Variants in METTL15 observed in about 807,000 individuals in gnomAD.
The protein encoded by METTL15 is 12S rRNA N(4)-cytidine methyltransferase METTL15.
A neutral mutation model predicts 38.3 loss-of-function variants in METTL15; 34 were observed. That is an observed-to-expected ratio of 0.89 (90% CI 0.68 to 1.18). The LOEUF is 1.18. Among genes scored for constraint, METTL15 ranks in the 50% most tolerant of loss-of-function variants. The pLI is 0.00. For synonymous variants in METTL15, 162 were observed against 170.9 expected (o/e 0.95, Z 0.41); for missense variants, 438 against 498.4 (o/e 0.88, Z 1.15).
At chr11:28,475,949 C>A (rs1220958791) in intron 6 of METTL15, among the ~76,000 whole-genome samples, 1 of 152,178 alleles carries the variant, frequency 6.6e-6, no homozygotes, top group Non-Finnish European at 1.5e-5. Flanking sequence ...CCTAGGCTGC[C>A]TGCAGTCCTC....
chr11:28,234,956 T>A (rs1395334562), intron 4 of METTL15, among the ~76,000 whole-genome samples: 1 of 151,204 alleles, frequency 6.6e-6, no homozygotes, highest in Non-Finnish European at 1.5e-5. Flanking sequence ...GTTTAAATCT[T>A]TAATCCATCT....
At chr11:28,433,559 C>T (rs752452817) in intron 6 of METTL15, among the ~76,000 whole-genome samples, 12 of 152,058 alleles carry the variant, frequency 7.9e-5, no homozygotes, top group East Asian at 1.9e-4. Flanking sequence ...AATTAATGAA[C>T]GCAAATTTCT....
intron 3 of METTL15, among the ~76,000 whole-genome samples, chr11:28,122,779 A>G (rs1472239649): frequency 2.0e-5 from 3 of 151,920 alleles, no homozygotes. Context: ...GCAAATTATT[A>G]CTAGGACATC....
intron 5 of METTL15, chr11:28,410,704 TCAGATAC>T (rs1350054307): frequency 1.3e-5 from 2 of 152,002 alleles, no homozygotes; most frequent in Non-Finnish European, 2.9e-5. Flanking sequence ...TCCACTAAGA[TCAGATAC>T]AAGACAGGGA....
chr11:28,327,121 CA>C (rs1206704757), intron 6 of METTL15, among the ~76,000 whole-genome samples: 1 of 152,026 alleles, frequency 6.6e-6, no homozygotes, highest in Non-Finnish European at 1.5e-5. Flanking sequence ...AGAGAAGTAC[CA>C]AAAAAGCTCC....
intron 3 of METTL15, among the ~76,000 whole-genome samples, chr11:28,158,247 G>A (rs1177701263): frequency 6.6e-6 from 1 of 152,208 alleles, no homozygotes; most frequent in Non-Finnish European, 1.5e-5. Context: ...TCCCAGCAGA[G>A]GAGGATTTTA....
At chr11:28,474,552 A>G (rs1851329015) in intron 6 of METTL15, among the ~76,000 whole-genome samples, 1 of 152,214 alleles carries the variant, frequency 6.6e-6, no homozygotes, top group South Asian at 2.1e-4. Flanking sequence ...ATTCACAGAC[A>G]GCCTGACAGT....
chr11:28,430,031 C>A (rs924211156), intron 6 of METTL15, among the ~76,000 whole-genome samples: 1 of 137,806 alleles, frequency 7.3e-6, no homozygotes, highest in Admixed American at 7.1e-5. Flanking sequence ...ATGTGAGGAG[C>A]GCCTCTGCCC....
intron 4 of METTL15, among the ~76,000 whole-genome samples, chr11:28,275,744 C>G (rs181037051): frequency 1.1e-3 from 162 of 151,748 alleles, no homozygotes; most frequent in African/African-American, 2.1e-3. Flanking sequence ...CAAAAAGATT[C>G]ACCATGATTA....
chr11:28,307,242 C>G lies in METTL15; in HGVS notation c.778+10311C>G, dbSNP rs1368336727. Among the ~76,000 whole-genome samples the G allele has an allele frequency of 2.0e-5, 3 of 151,868 alleles. No individual in the cohort carries two copies. In the East Asian group the frequency reaches 5.8e-4, roughly 29 times the overall value. On this transcript the variant is annotated intron_variant, in intron 6 of 6. Transcript: ENST00000407364. ...AATATTTGCTGACTTCTTACCTCTC[C>G]TAATACATAATTATTTATTTAATGA...
intron 5 of METTL15, among the ~76,000 whole-genome samples, chr11:28,414,000 C>A (rs907973903): frequency 1.3e-5 from 2 of 152,014 alleles, no homozygotes; most frequent in African/African-American, 4.8e-5. Context: ...ATTATATTAT[C>A]CATCAGTCTA....
intron 6 of METTL15, among the ~76,000 whole-genome samples, chr11:28,506,617 A>G (rs1851629238): frequency 6.6e-6 from 1 of 151,732 alleles, no homozygotes; most frequent in Non-Finnish European, 1.5e-5. Flanking sequence ...ATCTTACTTG[A>G]GATTATGTAT....
intron 2 of METTL15, among the ~76,000 whole-genome samples, chr11:28,111,628 G>C (rs1590730092): frequency 1.3e-5 from 2 of 152,188 alleles, no homozygotes; most frequent in African/African-American, 4.8e-5. Flanking sequence ...TCTGGGGGTA[G>C]ACTGTGTTAC....
In METTL15 at chr11:28,429,287, C is replaced by T. The variant is rs774621031; in HGVS notation, c.*424+4923C>T. Among the ~76,000 whole-genome samples the T allele has an allele frequency of 4.6e-5, 7 of 152,076 alleles. No homozygotes were observed. In the South Asian group the frequency reaches 1.2e-3, roughly 27 times the overall value. ...ATGACAATTAAAGAAGATCGAAAGT[C>T]AAGAGTAACTTGAAATATTGGTAAA... On this transcript the variant is annotated intron_variant and NMD_transcript_variant, in intron 6 of 7. Transcript: ENST00000532947.
chr11:28,349,443 G>A (rs1482138969), intron 3 of METTL15, among the ~76,000 whole-genome samples: 3 of 152,108 alleles, frequency 2.0e-5, no homozygotes. Flanking sequence ...TCTAAATAAA[G>A]GAAAGGAAAG....
intron 6 of METTL15, among the ~76,000 whole-genome samples, chr11:28,512,007 TA>T (rs1851678448): frequency 1.3e-5 from 2 of 152,056 alleles, no homozygotes; most frequent in Admixed American, 6.5e-5. Context: ...CTAGATTAGC[TA>T]GATACAGAGT....
intron 6 of METTL15, among the ~76,000 whole-genome samples, chr11:28,439,528 T>G (rs1013869538): frequency 9.2e-5 from 14 of 152,172 alleles, no homozygotes; most frequent in African/African-American, 3.1e-4. Context: ...GTACCTAAAC[T>G]TGGACTTGAT....
chr11:28,139,834 C>T (rs1053318321), intron 3 of METTL15, among the ~76,000 whole-genome samples: 4 of 152,118 alleles, frequency 2.6e-5, no homozygotes, highest in African/African-American at 9.7e-5. Flanking sequence ...AAAAAAACAG[C>T]TTAAATGCAG....
In METTL15 at chr11:28,442,182, T is replaced by A. The variant is rs1743796372; in HGVS notation, c.*424+17818T>A. 2.0e-5 allele frequency among the ~76,000 whole-genome samples: 3 copies of A among 152,294 alleles called. No homozygotes were observed. In the South Asian group the frequency reaches 6.2e-4, roughly 32 times the overall value. ...TGGACAGTTCCTCAAGTTACAAGCT[T>A]CTGATTGCATTCCAAAATGCACTGA... is the stretch of plus-strand genomic sequence containing the variant. On this transcript the variant is annotated intron_variant and NMD_transcript_variant, in intron 6 of 7. Transcript: ENST00000532947.
Sources: allele counts gnomAD v4.1 joint callset (sites outside exome capture counted in the v4.1 genomes callset), GRCh38; gene constraint gnomAD v4.1.1; transcripts MANE v1.5; gene names NCBI Gene and HGNC (gene_info 2026-07-23, HGNC 2026-07-21).